The following A1CF variants were observed in gnomAD, a reference collection of about 807,000 sequenced individuals.
The protein encoded by A1CF is APOBEC-1 stimulating protein.
Under a neutral mutation model 68.9 loss-of-function variants are expected in A1CF, and 48 were observed. The observed-to-expected ratio is 0.70, with a 90% CI of 0.55 to 0.89. The LOEUF is 0.89. Among genes scored for constraint, A1CF ranks in the 40% least tolerant of loss-of-function variants. The pLI, the probability that A1CF is intolerant of heterozygous loss-of-function variation, is 0.00. For missense variants in A1CF, 653 were observed against 718.9 expected, an observed-to-expected ratio of 0.91 and a Z score of 1.05; for synonymous variants, 272 against 260.4, an observed-to-expected ratio of 1.04 and a Z score of -0.43.
At chr10:50,820,143 A>T (rs1838579141) in intron 8 of A1CF, among the ~76,000 whole-genome samples, 1 of 152,214 alleles carries the variant, frequency 6.6e-6, no homozygotes, top group Non-Finnish European at 1.5e-5. Context: ...CAAGTGGAAG[A>T]TCAAACTATG....
Position 50,800,774 on chromosome 10 carries a change from A to C in A1CF, c.*5955T>G, listed in dbSNP as rs1232018767. 3 of 152,216 alleles carry C rather than the reference A, an allele frequency of 2.0e-5. No individual in the cohort carries two copies. The highest frequency in any genetic ancestry group is 2.9e-5 in the Non-Finnish European group (2 of 68,034). 9.4% of individuals were successfully genotyped at this position (152,216 alleles called of 1,614,324 possible). A position where few individuals can be genotyped will look rare whatever the true frequency, so the allele number is the denominator to read the frequency against. On this transcript the variant is annotated 3_prime_UTR_variant, in exon 13 of 13. Coordinates refer to ENST00000373997, the MANE Select transcript of A1CF (RefSeq NM_014576.4). The stretch of plus-strand genomic sequence containing the variant: ...ATCTCTCAATGTTATTTTCCATTAA[A>C]AATAATAAAACCTTTATATGACGTG...
chr10:50,838,828 T>G (rs984929745), intron 5 of A1CF, among the ~76,000 whole-genome samples: 2 of 152,176 alleles, frequency 1.3e-5, no homozygotes, highest in Admixed American at 1.3e-4. Flanking sequence ...CTTATTCCGT[T>G]TATTCTACCC....
chr10:50,880,588 A>C (rs1841723940), intron 1 of A1CF, among the ~76,000 whole-genome samples: 1 of 152,188 alleles, frequency 6.6e-6, no homozygotes, highest in African/African-American at 2.4e-5. Context: ...TTTTCCCCCC[A>C]TGGAACCTGA....
intron 9 of A1CF, among the ~76,000 whole-genome samples, chr10:50,814,247 T>C (rs573176407): frequency 6.6e-6 from 1 of 152,282 alleles, no homozygotes; most frequent in East Asian, 1.9e-4. Context: ...CTCTCTTTTT[T>C]GAAAAACTAC....
At position 50,813,946 on chromosome 10, in the gene A1CF, C is replaced by T; in HGVS notation, c.1234G>A (p.Asp412Asn). 2 of 1,613,888 alleles carry T rather than the reference C, an allele frequency of 1.2e-6. No homozygotes were observed. Among genetic ancestry groups the T allele is most frequent in the South Asian group, 1.1e-5 (1 of 91,076 alleles). Residue 412 changes from aspartate to asparagine, a missense_variant, in exon 10 of 13, where the codon GAC becomes AAC. By Grantham distance (23) the Asp-to-Asn change is conservative. Transcript: ENST00000373997. The stretch of plus-strand genomic sequence containing the variant: ...CCAGGTAAAATGTCATAGAGTTTGT[C>T]TTCTCTTTTGTCTCCTTTGACCTGG... The part of the protein sequence containing the change: ...GYQVKGDKRE[D>N]KLYDILPGME...
intron 3 of A1CF, chr10:50,850,913 T>C (rs1840212321): frequency 1.5e-6 from 2 of 1,319,842 alleles, no homozygotes; most frequent in South Asian, 1.6e-5. Context: ...CTAACTTTTT[T>C]GTTTACTTAC....
intron 2 of A1CF, among the ~76,000 whole-genome samples, chr10:50,863,754 G>T (rs1589035597): frequency 1.3e-5 from 2 of 152,100 alleles, no homozygotes; most frequent in African/African-American, 4.8e-5. Flanking sequence ...GAGATGAATA[G>T]AAGTTGGTTA....
chr10:50,829,059 T>A (rs1839110321), intron 6 of A1CF, among the ~76,000 whole-genome samples: 1 of 152,192 alleles, frequency 6.6e-6, no homozygotes, highest in Non-Finnish European at 1.5e-5. Context: ...TTATTGAGTG[T>A]CTTGTACTGT....
Position 50,799,480 on chromosome 10 carries a change from A to G in A1CF, c.*7249T>C, listed in dbSNP as rs906871015. On this transcript the variant is annotated 3_prime_UTR_variant, in exon 13 of 13. Transcript: ENST00000373997. ...AACAATTGCATCATCCAGGAATTAT[A>G]CAATATTGCATTGTCTCTCATTTCA... The G allele has an allele frequency of 2.0e-5, 3 of 152,170 alleles. No homozygotes were observed. Among genetic ancestry groups the G allele is most frequent in the Non-Finnish European group, 1.5e-5 (1 of 68,012 alleles). 9.4% of individuals were successfully genotyped at this position (152,170 alleles called of 1,614,324 possible).
chr10:50,815,133 C>G (rs16909418), intron 9 of A1CF, among the ~76,000 whole-genome samples: 2 of 152,132 alleles, frequency 1.3e-5, no homozygotes, highest in Non-Finnish European at 2.9e-5. Flanking sequence ...CACAGTTTAT[C>G]GAATTGCCCA....
Position 50,811,221 on chromosome 10 carries a change from A to C in A1CF, c.1324-45T>G, listed in dbSNP as rs572454212. On this transcript the variant is annotated intron_variant, in intron 10 of 12. Transcript: ENST00000373997. ...TATTTCCCCCTCAAATGACACATTCACATTATTTCCCAAGTTTTCAGGTTT... is the reference window on the plus strand; with the variant it reads ...TATTTCCCCCTCAAATGACACATTCCCATTATTTCCCAAGTTTTCAGGTTT... The C allele has an allele frequency of 8.3e-6, 13 of 1,563,136 alleles. No individual in the cohort carries two copies. In the Admixed American group the frequency reaches 2.0e-4, roughly 24 times the overall value.
chr10:50,870,480 A>T (rs1841208324), intron 1 of A1CF, among the ~76,000 whole-genome samples: 1 of 151,910 alleles, frequency 6.6e-6, no homozygotes, highest in African/African-American at 2.4e-5. Context: ...ATAACCAAAG[A>T]TTCATAGACT....
At chr10:50,862,326 A>G (rs1290477961) in intron 2 of A1CF, among the ~76,000 whole-genome samples, 1 of 152,058 alleles carries the variant, frequency 6.6e-6, no homozygotes, top group African/African-American at 2.4e-5. Flanking sequence ...AGATCATGCC[A>G]TTGCACTGCA....
intron 7 of A1CF, chr10:50,823,412 T>C (rs1205891702): frequency 6.6e-6 from 1 of 152,126 alleles, no homozygotes; most frequent in African/African-American, 2.4e-5. Context: ...TCCTCTGAAA[T>C]CATGATGCAA....
At chr10:50,884,389 T>C (rs2132645686) in intron 1 of A1CF, among the ~76,000 whole-genome samples, 1 of 152,312 alleles carries the variant, frequency 6.6e-6, no homozygotes, top group African/African-American at 2.4e-5. Flanking sequence ...GCAGAGTCAA[T>C]GTTATTCCAG....
intron 7 of A1CF, among the ~76,000 whole-genome samples, chr10:50,825,037 G>A (rs1412448753): frequency 6.6e-6 from 1 of 152,170 alleles, no homozygotes; most frequent in African/African-American, 2.4e-5. Context: ...GGAAGGCAGA[G>A]TCCCTGAGGC....
intron 1 of A1CF, among the ~76,000 whole-genome samples, chr10:50,866,622 G>C (rs1350901839): frequency 6.6e-6 from 1 of 152,186 alleles, no homozygotes; most frequent in Non-Finnish European, 1.5e-5. Context: ...ATCTAGACCT[G>C]TTAGCTGGAT....
At position 50,836,059 on chromosome 10, in the gene A1CF, GA is replaced by G; in HGVS notation, c.604+14del. ...TAGGCAGAGAAGTCTCATCTTTGAG[GA>G]GGGGATTGCTAACCTGGTAGCAGTT... is the stretch of plus-strand genomic sequence containing the variant. On this transcript the variant is annotated intron_variant, in intron 6 of 12. Coordinates refer to ENST00000373997, the MANE Select transcript of A1CF (RefSeq NM_014576.4). 6 of 1,580,240 alleles carry G rather than the reference GA, an allele frequency of 3.8e-6. No individual in the cohort carries two copies. The South Asian group carries it at 7.0e-5, about 19-fold the overall frequency.
chr10:50,883,910 A>T (rs955086080), intron 1 of A1CF, among the ~76,000 whole-genome samples: 3 of 152,204 alleles, frequency 2.0e-5, no homozygotes, highest in Non-Finnish European at 2.9e-5. Context: ...CCATTTTCCC[A>T]TTTATAAACT....
Sources: allele counts gnomAD v4.1 joint callset (sites outside exome capture counted in the v4.1 genomes callset), GRCh38; gene constraint gnomAD v4.1.1; transcripts MANE v1.5; gene names NCBI Gene and HGNC (gene_info 2026-07-23, HGNC 2026-07-21).